PIK3CA: variants seen among roughly 807,000 people sequenced by gnomAD.
The protein encoded by PIK3CA is phosphatidylinositol-4,5-bisphosphate 3-kinase catalytic subunit alpha, also known as phosphatidylinositol 4,5-bisphosphate 3-kinase catalytic subunit alpha isoform.
PIK3CA carries 27 observed loss-of-function variants against 138.2 expected under a neutral mutation model. The observed-to-expected ratio is 0.20, with a 90% CI of 0.14 to 0.27. The LOEUF (loss-of-function observed/expected upper bound fraction) is 0.27, where lower values mean the gene tolerates loss of function less well. PIK3CA is among the 10% of genes least tolerant of loss of function. The pLI, the probability that PIK3CA is intolerant of heterozygous loss-of-function variation, is 1.00. For missense variants in PIK3CA, 544 were observed against 1,277.4 expected (o/e 0.43, Z 8.75); for synonymous variants, 358 against 413.2 (o/e 0.87, Z 1.62).
At chr3:179,177,604 C>A (rs543951316) in intron 1 of PIK3CA, among the ~76,000 whole-genome samples, 1 of 152,102 alleles carries the variant, frequency 6.6e-6, no homozygotes, top group Non-Finnish European at 1.5e-5. Context: ...TGAGCCACCA[C>A]GCCCAGGCTA....
intron 6 of PIK3CA, 32 bp from the exon 7 acceptor site, chr3:179,209,563 A>T (rs2108399045): frequency 7.7e-7 from 1 of 1,291,324 alleles, no homozygotes; most frequent in Non-Finnish European, 1.1e-6. Context: ...ACTTTTCTTG[A>T]TGTATTATTT....
rs1725286556 is a variant in PIK3CA, at chr3:179,234,404, C to T, written c.*40C>T. 6.5e-7 allele frequency: 1 copy of T among 1,544,534 alleles called. No homozygotes were observed. The highest frequency in any genetic ancestry group is 1.4e-5 in the African/African-American group (1 of 73,392). On this transcript the variant is annotated 3_prime_UTR_variant, in exon 21 of 21. Transcript: ENST00000263967. This position sits in a 1 kb window ranked among gnomAD's most constrained non-coding sequence, Gnocchi z 5.1. Reference sequence around the variant, plus strand: ...AAATGAAAGCTCACTCTGGATTCCACACTGCACTGTTAATAACTCTCAGCA... The same window carrying T: ...AAATGAAAGCTCACTCTGGATTCCATACTGCACTGTTAATAACTCTCAGCA...
chr3:179,228,732 AAT>A (rs1380520794), intron 17 of PIK3CA, among the ~76,000 whole-genome samples: 2 of 152,062 alleles, frequency 1.3e-5, no homozygotes, highest in Admixed American at 6.6e-5. Context: ...TGTTTCATGA[AAT>A]ATGTTACTTA....
chr3:179,158,222 T>A lies in PIK3CA; in HGVS notation c.-77+9619T>A, dbSNP rs557663713. 1.8e-4 allele frequency among the ~76,000 whole-genome samples: 27 copies of A among 152,254 alleles called. No homozygotes were observed. In the South Asian group the frequency reaches 5.4e-3, roughly 30 times the overall value. ...TTTTTATTCGTTAAAACTTTTAAAA[T>A]TTCATTCTAGCTCTAGGAATCTGAA... On this transcript the variant is annotated intron_variant, in intron 1 of 20. Coordinates refer to ENST00000263967, the MANE Select transcript of PIK3CA (RefSeq NM_006218.4).
At chr3:179,193,995 A>AT (rs1560135348) in intron 1 of PIK3CA, among the ~76,000 whole-genome samples, 2 of 151,936 alleles carry the variant, frequency 1.3e-5, no homozygotes, top group East Asian at 1.9e-4. Flanking sequence ...TTGGTATTTA[A>AT]TTTTTTCTGT....
chr3:179,228,186 A>G (rs992081152), intron 17 of PIK3CA, among the ~76,000 whole-genome samples: 1 of 151,998 alleles, frequency 6.6e-6, no homozygotes, highest in Non-Finnish European at 1.5e-5. Flanking sequence ...GAAAATTCTA[A>G]TTTTCATTAT....
At position 179,148,869 on chromosome 3, in the gene PIK3CA, C is replaced by G. The variant is rs868131856; in HGVS notation, c.-77+266C>G. 7.2e-5 allele frequency among the ~76,000 whole-genome samples: 11 copies of G among 152,272 alleles called. 1 individual carries two copies. In the Middle Eastern group the frequency reaches 0.014, roughly 190 times the overall value. On this transcript the variant is annotated intron_variant, in intron 1 of 20. Coordinates refer to ENST00000263967, the MANE Select transcript of PIK3CA (RefSeq NM_006218.4). ...CTCGCTCTTCCTTTGCTTCTACTCC[C>G]AGTTTTGGGGACGGGGCGGCTGGAG...
rs2108385788 is a variant in PIK3CA, at chr3:179,199,022, C to G, written c.197C>G (p.Ser66Cys). The G allele has an allele frequency of 6.2e-7, 1 of 1,613,394 alleles. No homozygotes were observed. The highest frequency in any genetic ancestry group is 8.5e-7 in the Non-Finnish European group (1 of 1,179,708). ...YPLHQLLQDE[S>C]SYIFVSVTQE... ...CTCCATCAACTTCTTCAAGATGAAT[C>G]TTCTTACATTTTCGTAAGTGTTACT... The change falls in exon 2 of 21, where the codon TCT becomes TGT. Residue 66 changes from serine to cysteine, a missense_variant. Around this residue, in one of 14 missense-constraint regions of PIK3CA, gnomAD observed 47 missense variants for 84.0 expected, o/e 0.56. Transcript: ENST00000263967.
At position 179,236,420 on chromosome 3, in the gene PIK3CA, T is replaced by G. The variant is rs552696072; in HGVS notation, c.*2056T>G. The G allele has an allele frequency of 4.7e-6, 1 of 212,426 alleles. No individual in the cohort carries two copies. Among genetic ancestry groups the G allele is most frequent in the African/African-American group, 2.3e-5 (1 of 44,270 alleles). The allele number at this position is 212,426 out of a possible 1,614,324, so 13.2% of individuals were successfully genotyped here. ...TTATTAACATTTTGTGTTGTTTAGA[T>G]ATAGGCAGTTGATACATACTAACAT... On this transcript the variant is annotated 3_prime_UTR_variant, in exon 21 of 21. Coordinates refer to ENST00000263967, the MANE Select transcript of PIK3CA (RefSeq NM_006218.4).
rs188735900 is a variant in PIK3CA at position 179,233,093 on chromosome 3, G to A, written c.2937-1001G>A. ...AGGCTGGTCTTGAACTCCCAATCTC[G>A]GGTGATCCTCCTGCCTCGGCTTCCC... is the stretch of plus-strand genomic sequence containing the variant. On this transcript the variant is annotated intron_variant, in intron 20 of 20. Coordinates refer to ENST00000263967, the MANE Select transcript of PIK3CA (RefSeq NM_006218.4). Among the ~76,000 whole-genome samples the A allele has an allele frequency of 2.7e-3, 410 of 152,022 alleles. 1 individual carries two copies. Among genetic ancestry groups the A allele is most frequent in the African/African-American group, 9.5e-3 (394 of 41,482 alleles).
intron 20 of PIK3CA, chr3:179,233,272 T>C: frequency 5.0e-6 from 2 of 398,354 alleles, no homozygotes; most frequent in Non-Finnish European, 8.9e-6. Flanking sequence ...AATGTGGGCT[T>C]CCTTGTCTTG....
chr3:179,203,754 A>G lies in PIK3CA; in HGVS notation c.1024A>G (p.Thr342Ala), dbSNP rs1480850406. ...SALRIKILCATYVNVNIRDID... is the reference protein window; with the variant it reads ...SALRIKILCAAYVNVNIRDID... Reference sequence around the variant, plus strand: ...ACTCAGAATAAAAATTCTTTGTGCAACCTACGTGAATGTAAATATTCGAGA... The same window carrying G: ...ACTCAGAATAAAAATTCTTTGTGCAGCCTACGTGAATGTAAATATTCGAGA... The change falls in exon 5 of 21, where the codon ACC (threonine) becomes GCC (alanine). Residue 342 changes from threonine to alanine, a missense_variant. Around this residue, in one of 14 missense-constraint regions of PIK3CA, gnomAD observed 234 missense variants for 401.3 expected, o/e 0.58. Transcript: ENST00000263967. 2 of 1,611,046 alleles carry G rather than the reference A, an allele frequency of 1.2e-6. No homozygotes were observed. The highest frequency in any genetic ancestry group is 1.7e-6 in the Non-Finnish European group (2 of 1,178,512).
At chr3:179,210,155 G>A (rs1223107172) in intron 7 of PIK3CA, 31 bp from the exon 8 acceptor site, 17 of 1,502,732 alleles carry the variant, frequency 1.1e-5, no homozygotes, top group Non-Finnish European at 1.5e-5. Flanking sequence ...TTATAATTTA[G>A]ACTAGTGAAT....
At chr3:179,209,220 A>C (rs1422549050) in intron 6 of PIK3CA, among the ~76,000 whole-genome samples, 2 of 151,860 alleles carry the variant, frequency 1.3e-5, no homozygotes, top group African/African-American at 4.8e-5. Flanking sequence ...GGGAATACAT[A>C]TGCTCACTTT....
chr3:179,169,593 G>A (rs1723500402), intron 1 of PIK3CA, among the ~76,000 whole-genome samples: 1 of 151,860 alleles, frequency 6.6e-6, no homozygotes, highest in Non-Finnish European at 1.5e-5. Flanking sequence ...AAGGTTCTGG[G>A]GTTTTTCCCT....
At chr3:179,173,434 C>T (rs1204728064) in intron 1 of PIK3CA, among the ~76,000 whole-genome samples, 1 of 143,646 alleles carries the variant, frequency 7.0e-6, no homozygotes. Flanking sequence ...AAAAACTTAG[C>T]CAGGTGTGGT....
intron 6 of PIK3CA, among the ~76,000 whole-genome samples, chr3:179,207,627 C>A (rs1425085655): frequency 6.6e-6 from 1 of 151,250 alleles, no homozygotes; most frequent in Non-Finnish European, 1.5e-5. Context: ...CTCACTGCAA[C>A]CTCTGCCTCA....
chr3:179,206,176 G>T (rs977056760), intron 6 of PIK3CA, among the ~76,000 whole-genome samples: 2 of 142,380 alleles, frequency 1.4e-5, no homozygotes, highest in Non-Finnish European at 3.0e-5. Flanking sequence ...TCCTGCCTCA[G>T]CCTCCCTAGT....
At chr3:179,171,516 A>T (rs1400494321) in intron 1 of PIK3CA, among the ~76,000 whole-genome samples, 1 of 152,148 alleles carries the variant, frequency 6.6e-6, no homozygotes, top group Non-Finnish European at 1.5e-5. Flanking sequence ...TAAAATGAAC[A>T]AGAAGGGATG....
Sources: gnomAD v4.1 joint callset for allele counts (sites outside exome capture counted in the v4.1 genomes callset) on GRCh38, gnomAD v4.1.1 for gene constraint, gnomAD v4.1.1 regional missense constraint, Gnocchi (gnomAD v3.1) non-coding constraint, MANE v1.5 for transcripts, NCBI Gene and HGNC (gene_info 2026-07-23, HGNC 2026-07-21) for gene names.